The following TEX15 variants were observed in gnomAD, a reference collection of about 807,000 sequenced individuals.
TEX15 encodes testis expressed 15, meiosis and synapsis associated.
A neutral mutation model predicts 237.3 loss-of-function variants in TEX15; 171 were observed. The observed-to-expected ratio is 0.72, with a 90% CI of 0.64 to 0.82. The LOEUF is 0.82. Among genes scored for constraint, TEX15 ranks in the 40% least tolerant of loss-of-function variants. TEX15 has a pLI of 0.00. For missense variants in TEX15, 3,750 were observed against 3,646.5 expected (o/e 1.03, Z -0.73); for synonymous variants, 1,338 against 1,269.8 (o/e 1.05, Z -1.14).
At chr8:30,905,208 C>T (rs558157360) in intron 1 of TEX15, among the ~76,000 whole-genome samples, 29 of 146,348 alleles carry the variant, frequency 2.0e-4, no homozygotes, top group African/African-American at 6.8e-4. Context: ...CAAAGTACTG[C>T]AACAAACCTG....
Position 30,859,782 on chromosome 8 carries a change from C to T in TEX15, c.687+129G>A, listed in dbSNP as rs1295087555. On this transcript the variant is annotated intron_variant, in intron 6 of 10. Transcript: ENST00000643185. Reference sequence around the variant, plus strand: ...ATACAACAAATATTAAAATAGCTTTCACTGTTTGCTTAAGATATTATATTG... The same window carrying T: ...ATACAACAAATATTAAAATAGCTTTTACTGTTTGCTTAAGATATTATATTG... 1.0e-5 allele frequency: 7 copies of T among 683,818 alleles called. No individual in the cohort carries two copies. In the Admixed American group the frequency reaches 2.1e-4, roughly 21 times the overall value. 42.4% of individuals were successfully genotyped at this position (683,818 alleles called of 1,614,324 possible).
Position 30,861,189 on chromosome 8 carries a change from A to G in TEX15, c.541-1132T>C, listed in dbSNP as rs143677202. ...ATTAATGATGTGAGACAACAGAAAA[A>G]ATTAAATTCTTTTCTTAACATGTTA... On this transcript the variant is annotated intron_variant, in intron 5 of 10. Coordinates refer to ENST00000643185, the MANE Select transcript of TEX15 (RefSeq NM_001350162.2). Among the ~76,000 whole-genome samples the G allele has an allele frequency of 1.7e-3, 259 of 152,308 alleles. 1 individual carries two copies. Among genetic ancestry groups the G allele is most frequent in the African/African-American group, 5.8e-3 (241 of 41,572 alleles).
chr8:30,901,406 A>G (rs991269713), intron 1 of TEX15, among the ~76,000 whole-genome samples: 1 of 152,214 alleles, frequency 6.6e-6, no homozygotes. Context: ...AGAGTTTGGA[A>G]AAAAGGCCTC....
Position 30,887,219 on chromosome 8 carries a change from G to C in TEX15, c.84C>G (p.Val28=). The stretch of plus-strand genomic sequence containing the variant: ...GAATGGTGAATTTCTTCAAAGGATT[G>C]ACTTCACGAGTATTCAACACGGGTT... ...TSKPVLNTRE[V]NPLKKFTIPK... is the part of the protein sequence containing the mutation. The change falls in exon 3 of 11, where the codon GTC becomes GTG. Residue 28 remains valine, a synonymous_variant. Coordinates refer to ENST00000643185, the MANE Select transcript of TEX15 (RefSeq NM_001350162.2). The C allele has an allele frequency of 1.3e-6, 2 of 1,535,676 alleles. No individual in the cohort carries two copies. The highest frequency in any genetic ancestry group is 4.9e-5 in the East Asian group (2 of 40,878).
rs1469852486 is a variant in TEX15, at chr8:30,891,464, T to C, written c.-9-4153A>G. ...CAAATGATAACTGATTGTGGTTAGT[T>C]TGCATTTTCTCCCCGCACCCCCCCT... On this transcript the variant is annotated intron_variant, in intron 2 of 10. Coordinates refer to ENST00000643185, the MANE Select transcript of TEX15 (RefSeq NM_001350162.2). Among the ~76,000 whole-genome samples the C allele has an allele frequency of 2.6e-5, 4 of 152,058 alleles. 1 individual carries two copies. Among genetic ancestry groups the C allele is most frequent in the African/African-American group, 9.7e-5 (4 of 41,412 alleles).
At chr8:30,912,425 G>A (rs371723917) in intron 1 of TEX15, among the ~76,000 whole-genome samples, 1 of 149,660 alleles carries the variant, frequency 6.7e-6, no homozygotes, top group South Asian at 2.2e-4. Context: ...GCTGCCTTCT[G>A]CTGACTACAA....
At position 30,844,830 on chromosome 8, in the gene TEX15, A is replaced by G; in HGVS notation, c.5337T>C (p.His1779=). 6.2e-7 allele frequency: 1 copy of G among 1,613,476 alleles called. No homozygotes were observed. The highest frequency in any genetic ancestry group is 8.5e-7 in the Non-Finnish European group (1 of 1,179,576). Residue 1779 remains histidine (H), a synonymous_variant, in exon 8 of 11, where the codon CAT becomes CAC. Coordinates refer to ENST00000643185, the MANE Select transcript of TEX15 (RefSeq NM_001350162.2). The part of the protein sequence containing the change: ...TEQCSSGNCL[H]TDGNETNVTE... Reference sequence around the variant, plus strand: ...TGACATTTGTTTCATTCCCATCTGTATGGAGGCAATTACCTGAAGAGCACT... The same window carrying G: ...TGACATTTGTTTCATTCCCATCTGTGTGGAGGCAATTACCTGAAGAGCACT...
At chr8:30,890,270 C>G (rs993375460) in intron 2 of TEX15, among the ~76,000 whole-genome samples, 1 of 151,214 alleles carries the variant, frequency 6.6e-6, no homozygotes, top group Non-Finnish European at 1.5e-5. Flanking sequence ...CAACTTTAAG[C>G]GAATACATTT....
chr8:30,861,363 A>T (rs886189963), intron 5 of TEX15, among the ~76,000 whole-genome samples: 1 of 152,216 alleles, frequency 6.6e-6, no homozygotes, highest in Non-Finnish European at 1.5e-5. Flanking sequence ...TAATATTCTA[A>T]AATTTCTGCC....
At chr8:30,871,932 A>T (rs552381339) in intron 4 of TEX15, among the ~76,000 whole-genome samples, 1 of 152,302 alleles carries the variant, frequency 6.6e-6, no homozygotes, top group Admixed American at 6.5e-5. Flanking sequence ...AAATTCTAAA[A>T]AGTAAAGAAT....
intron 9 of TEX15, among the ~76,000 whole-genome samples, chr8:30,838,697 TACACAC>T (rs3078152): frequency 1.1e-4 from 15 of 134,954 alleles, no homozygotes; most frequent in South Asian, 4.8e-4. Context: ...ATTATATATA[TACACAC>T]ACACACACAC....
chr8:30,855,121 T>C (rs1235886633), intron 7 of TEX15, among the ~76,000 whole-genome samples: 1 of 151,720 alleles, frequency 6.6e-6, no homozygotes, highest in African/African-American at 2.4e-5. Context: ...AGGGCAATTA[T>C]GCAAAAAAAG....
intron 8 of TEX15, 140 bp from the exon 9 acceptor site, chr8:30,840,104 G>C (rs1055617524): frequency 2.2e-6 from 1 of 459,430 alleles, no homozygotes; most frequent in Admixed American, 4.0e-5. Flanking sequence ...TCACCTCCCT[G>C]CAGAAAGCAG....
intron 4 of TEX15, among the ~76,000 whole-genome samples, chr8:30,868,388 G>C (rs1808220832): frequency 6.6e-6 from 1 of 151,932 alleles, no homozygotes; most frequent in South Asian, 2.1e-4. Flanking sequence ...TCAGACACTA[G>C]GGTCCAAATG....
Position 30,848,376 on chromosome 8 carries a change from G to A in TEX15, c.1791C>T (p.Cys597=), listed in dbSNP as rs778733471. Residue 597 remains cysteine (C), a synonymous_variant, in exon 8 of 11, where the codon TGC becomes TGT. Coordinates refer to ENST00000643185, the MANE Select transcript of TEX15 (RefSeq NM_001350162.2). ...TGAGTGGAAAAACTGTAGACGTTTG[G>A]CAACCAGTCTGATAAATTGTTTTTA... The part of the protein sequence containing the change: ...SDLKTIYQTG[C]QTSTVFPLKK... The A allele has an allele frequency of 1.2e-6, 2 of 1,614,054 alleles. No homozygotes were observed. The highest frequency in any genetic ancestry group is 8.5e-7 in the Non-Finnish European group (1 of 1,179,986).
intron 8 of TEX15, among the ~76,000 whole-genome samples, chr8:30,841,684 GTCTC>G (rs1017359923): frequency 6.6e-6 from 1 of 152,206 alleles, no homozygotes; most frequent in African/African-American, 2.4e-5. Flanking sequence ...ATAAATATTG[GTCTC>G]TCACTCAGTG....
chr8:30,864,725 T>C (rs1191081741), intron 5 of TEX15, among the ~76,000 whole-genome samples: 2 of 151,454 alleles, frequency 1.3e-5, no homozygotes, highest in Non-Finnish European at 2.9e-5. Flanking sequence ...AATATGATAC[T>C]GTAACCATGG....
In TEX15 at chr8:30,845,210, C is replaced by T. The variant is rs773550282; in HGVS notation, c.4957G>A (p.Val1653Ile). 6 of 1,613,384 alleles carry T rather than the reference C, an allele frequency of 3.7e-6. No individual in the cohort carries two copies. Among genetic ancestry groups the T allele is most frequent in the East Asian group, 2.2e-5 (1 of 44,874 alleles). Reference sequence around the variant, plus strand: ...AAGTGCTTCACATTTGAATCTAAGACTGATATAAGTACGTCAGTTTTCGCC... The same window carrying T: ...AAGTGCTTCACATTTGAATCTAAGATTGATATAAGTACGTCAGTTTTCGCC... ...TKAKTDVLIS[V>I]LDSNVKHFLN... is the part of the protein sequence containing the mutation. The change falls in exon 8 of 11, where the codon GTC becomes ATC. Residue 1653 changes from valine to isoleucine, a missense_variant. Physicochemically the swap from Val to Ile is conservative, Grantham distance 29. Coordinates refer to ENST00000643185, the MANE Select transcript of TEX15 (RefSeq NM_001350162.2).
Position 30,837,644 on chromosome 8 carries a change from G to GTTTATA in TEX15, c.8634_8639dup (p.Ile2879_Asn2880dup). The GTTTATA allele has an allele frequency of 6.2e-7, 1 of 1,614,030 alleles. No homozygotes were observed. Among genetic ancestry groups the GTTTATA allele is most frequent in the Non-Finnish European group, 8.5e-7 (1 of 1,179,952 alleles). ...GCACAAGAGAAACATCAGTTTCTGG[G>GTTTATA]TTTATATCAGAAAGGCAGGATTTTT... On this transcript the variant is annotated inframe_insertion, in exon 10 of 11. Transcript: ENST00000643185.
Sources: gnomAD v4.1 joint callset for allele counts (sites outside exome capture counted in the v4.1 genomes callset) on GRCh38, gnomAD v4.1.1 for gene constraint, MANE v1.5 for transcripts, NCBI Gene and HGNC (gene_info 2026-07-23, HGNC 2026-07-21) for gene names.